STAG1: variants seen among roughly 807,000 people sequenced by gnomAD.
STAG1 encodes STAG1 cohesin complex component.
STAG1 carries 26 observed loss-of-function variants against 170.9 expected under a neutral mutation model. The ratio of observed to expected loss-of-function variants is 0.15; its 90% CI spans 0.11 to 0.21. The LOEUF is 0.21. Among genes scored for constraint, STAG1 ranks in the 10% least tolerant of loss-of-function variants. The pLI is 1.00. For missense variants in STAG1, 964 were observed against 1,509.5 expected, an observed-to-expected ratio of 0.64 and a Z score of 5.99; for synonymous variants, 514 against 497.7, an observed-to-expected ratio of 1.03 and a Z score of -0.44.
At chr3:136,455,438 G>A (rs1476298628) in intron 13 of STAG1, among the ~76,000 whole-genome samples, 1 of 152,194 alleles carries the variant, frequency 6.6e-6, no homozygotes, top group Non-Finnish European at 1.5e-5. Context: ...TGGTAAGAGG[G>A]AATTAGAAGT....
chr3:136,687,866 A>G (rs28472992), intron 1 of STAG1, among the ~76,000 whole-genome samples: 25,000 of 151,758 alleles, frequency 0.16, 2,738 homozygotes, highest in Non-Finnish European at 0.24. Flanking sequence ...CCTCCCGAGT[A>G]GCTGGGACTA....
At chr3:136,588,251 A>T (rs1937942826) in intron 4 of STAG1, among the ~76,000 whole-genome samples, 1 of 152,106 alleles carries the variant, frequency 6.6e-6, no homozygotes, top group Non-Finnish European at 1.5e-5. Context: ...TATTAACATT[A>T]GTGTCATTAA....
intron 6 of STAG1, among the ~76,000 whole-genome samples, chr3:136,535,990 T>C (rs371284592): frequency 6.6e-6 from 1 of 152,218 alleles, no homozygotes; most frequent in South Asian, 2.1e-4. Context: ...TCCAATTTTG[T>C]ACGAGTTTTA....
chr3:136,702,284 T>C (rs996944308), intron 1 of STAG1, among the ~76,000 whole-genome samples: 2 of 152,220 alleles, frequency 1.3e-5, no homozygotes, highest in Non-Finnish European at 2.9e-5. Flanking sequence ...TAAAAATCAC[T>C]ACTTATAAAA....
At chr3:136,456,534 CT>C (rs2089117225) in intron 13 of STAG1, among the ~76,000 whole-genome samples, 1 of 152,142 alleles carries the variant, frequency 6.6e-6, no homozygotes, top group South Asian at 2.1e-4. Flanking sequence ...AAACTAACTT[CT>C]GCAAAATTAG....
chr3:136,727,663 C>CAG (rs1450676452), intron 1 of STAG1, among the ~76,000 whole-genome samples: 2 of 152,150 alleles, frequency 1.3e-5, no homozygotes, highest in Non-Finnish European at 2.9e-5. Flanking sequence ...CTAGGTGTAA[C>CAG]AGGTTAGTTA....
chr3:136,350,766 CTTTG>C (rs763096809), intron 28 of STAG1, among the ~76,000 whole-genome samples: 13 of 152,192 alleles, frequency 8.5e-5, no homozygotes, highest in East Asian at 1.9e-4. Context: ...GTGGTGATGA[CTTTG>C]TTTATTTGGA....
At chr3:136,475,947 G>C (rs1423185910) in intron 10 of STAG1, among the ~76,000 whole-genome samples, 1 of 152,136 alleles carries the variant, frequency 6.6e-6, no homozygotes, top group Non-Finnish European at 1.5e-5. Context: ...TAAATTGTAA[G>C]TGTGACAGAA....
At position 136,623,162 on chromosome 3, in the gene STAG1, C is replaced by T; in HGVS notation, c.116G>A (p.Arg39His). ...TEVKGKRKRG[R>H]PGRPPSTNKK... ...AATACATACTGGAGGCCGGCCAGGA[C>T]GACCCCTTTTTCTTTTTCCTTTGAC... The change falls in exon 3 of 34, where the codon CGT (arginine) becomes CAT (histidine). Residue 39 changes from arginine to histidine, a missense_variant. By Grantham distance (29) the Arg-to-His change is conservative. Coordinates refer to ENST00000383202, the MANE Select transcript of STAG1 (RefSeq NM_005862.3). 1 of 1,613,448 alleles carries T rather than the reference C, an allele frequency of 6.2e-7. No individual in the cohort carries two copies. Among genetic ancestry groups the T allele is most frequent in the Non-Finnish European group, 8.5e-7 (1 of 1,179,582 alleles).
intron 1 of STAG1, among the ~76,000 whole-genome samples, chr3:136,671,693 C>A (rs1371135025): frequency 6.6e-6 from 1 of 152,130 alleles, no homozygotes; most frequent in Non-Finnish European, 1.5e-5. Flanking sequence ...AAGTTCGACA[C>A]TAGCCTGGGC....
At chr3:136,503,189 C>G (rs1933575775) in intron 7 of STAG1, among the ~76,000 whole-genome samples, 1 of 152,094 alleles carries the variant, frequency 6.6e-6, no homozygotes, top group Admixed American at 6.6e-5. Flanking sequence ...TCAAAGGTAC[C>G]TTAGATGTTT....
chr3:136,514,403 C>T (rs1354071308), intron 7 of STAG1, among the ~76,000 whole-genome samples: 2 of 152,172 alleles, frequency 1.3e-5, no homozygotes. Context: ...ATTAAAAAGT[C>T]AGGAAACAAC....
At chr3:136,502,875 A>T in intron 7 of STAG1, 96 bp from the exon 8 acceptor site, 2 of 997,534 alleles carry the variant, frequency 2.0e-6, no homozygotes, top group Non-Finnish European at 2.7e-6. Context: ...AAATGAAACT[A>T]GTGAATTTCT....
At chr3:136,445,737 T>C (rs2088759932) in intron 14 of STAG1, among the ~76,000 whole-genome samples, 1 of 152,232 alleles carries the variant, frequency 6.6e-6, no homozygotes, top group Non-Finnish European at 1.5e-5. Context: ...AAATACAGAC[T>C]ATCCCCTTTC....
intron 5 of STAG1, among the ~76,000 whole-genome samples, chr3:136,556,416 C>T (rs1442341802): frequency 6.6e-6 from 1 of 152,144 alleles, no homozygotes; most frequent in Non-Finnish European, 1.5e-5. Context: ...AGAGATGCTG[C>T]TAAATGTCCT....
chr3:136,537,508 T>G (rs976867998), intron 6 of STAG1, among the ~76,000 whole-genome samples: 3 of 150,650 alleles, frequency 2.0e-5, no homozygotes, highest in South Asian at 2.1e-4. Flanking sequence ...TTTTTTTGTT[T>G]TTTTTTTTTT....
intron 15 of STAG1, among the ~76,000 whole-genome samples, chr3:136,439,839 T>A (rs1227739591): frequency 6.6e-6 from 1 of 152,216 alleles, no homozygotes; most frequent in African/African-American, 2.4e-5. Flanking sequence ...GAAACTGTGG[T>A]TGACTTCCAA....
chr3:136,615,697 G>C (rs1939556423), intron 3 of STAG1, among the ~76,000 whole-genome samples: 1 of 148,156 alleles, frequency 6.7e-6, no homozygotes, highest in Non-Finnish European at 1.5e-5. Context: ...GGAATGGTGT[G>C]AACCTGGGAG....
intron 1 of STAG1, among the ~76,000 whole-genome samples, chr3:136,746,209 G>A (rs528895250): frequency 6.6e-6 from 1 of 152,200 alleles, no homozygotes; most frequent in Non-Finnish European, 1.5e-5. Flanking sequence ...TACCACTCTA[G>A]CAAGAATCAT....
Sources: gnomAD v4.1 joint callset for allele counts (sites outside exome capture counted in the v4.1 genomes callset) on GRCh38, gnomAD v4.1.1 for gene constraint, MANE v1.5 for transcripts, NCBI Gene and HGNC (gene_info 2026-07-23, HGNC 2026-07-21) for gene names.